The following SLC25A21 variants were observed in gnomAD, a reference collection of about 807,000 sequenced individuals.
SLC25A21 encodes mitochondrial 2-oxodicarboxylate carrier.
Under a neutral mutation model 43.8 loss-of-function variants are expected in SLC25A21, and 47 were observed. The ratio of observed to expected loss-of-function variants is 1.07; its 90% CI spans 0.85 to 1.37. The LOEUF (loss-of-function observed/expected upper bound fraction) is 1.37. SLC25A21 is among the 40% of genes most tolerant of loss of function. The pLI is 0.00. For synonymous variants in SLC25A21, 131 were observed against 121.3 expected, an observed-to-expected ratio of 1.08 and a Z score of -0.52; for missense variants, 352 against 350.2, an observed-to-expected ratio of 1.00 and a Z score of -0.04.
At chr14:37,015,534 T>G (rs1449393634) in intron 1 of SLC25A21, among the ~76,000 whole-genome samples, 1 of 151,962 alleles carries the variant, frequency 6.6e-6, no homozygotes, top group Non-Finnish European at 1.5e-5. Context: ...CAGCATGATT[T>G]ATAGTCATTT....
intron 1 of SLC25A21, among the ~76,000 whole-genome samples, chr14:37,151,957 C>A (rs1162970296): frequency 6.6e-6 from 1 of 152,030 alleles, no homozygotes; most frequent in African/African-American, 2.4e-5. Flanking sequence ...GACGCTTGAA[C>A]CCAGGAGAAG....
rs181975942 is a variant in SLC25A21, at chr14:36,699,098, G to A, written c.603+12220C>T. 3.0e-4 allele frequency among the ~76,000 whole-genome samples: 45 copies of A among 151,740 alleles called. No individual in the cohort carries two copies. In the East Asian group the frequency reaches 7.4e-3, roughly 25 times the overall value. ...CTTTGATGTTGGTGACCTACAGATG[G>A]GGTTTTGGTGTAGATGACCTTTTTT... On this transcript the variant is annotated intron_variant, in intron 7 of 9. Transcript: ENST00000331299.
intron 3 of SLC25A21, among the ~76,000 whole-genome samples, chr14:36,745,149 C>T (rs1003137623): frequency 4.6e-5 from 7 of 152,084 alleles, no homozygotes; most frequent in Non-Finnish European, 8.8e-5. Flanking sequence ...CAGCTTCATC[C>T]ATGTCCCTGA....
chr14:37,170,447 A>G (rs1319043571), intron 1 of SLC25A21, among the ~76,000 whole-genome samples: 1 of 152,166 alleles, frequency 6.6e-6, no homozygotes. Context: ...TAGGATGTTA[A>G]TCAATTGGCC....
chr14:37,035,040 A>G (rs745369420), intron 1 of SLC25A21, among the ~76,000 whole-genome samples: 2 of 152,216 alleles, frequency 1.3e-5, no homozygotes, highest in Non-Finnish European at 2.9e-5. Context: ...GATGCTCTGA[A>G]TCTTTGCTAG....
At chr14:36,880,300 A>C (rs1157037775) in intron 1 of SLC25A21, among the ~76,000 whole-genome samples, 1 of 152,212 alleles carries the variant, frequency 6.6e-6, no homozygotes, top group Non-Finnish European at 1.5e-5. Flanking sequence ...CACACACAGC[A>C]CAGCAACAAG....
intron 3 of SLC25A21, among the ~76,000 whole-genome samples, chr14:36,795,941 T>C (rs1887654751): frequency 6.6e-6 from 1 of 152,172 alleles, no homozygotes; most frequent in Non-Finnish European, 1.5e-5. Flanking sequence ...ACAGCATATA[T>C]GTAACCACCT....
intron 1 of SLC25A21, among the ~76,000 whole-genome samples, chr14:36,918,667 T>A (rs2138621104): frequency 6.6e-6 from 1 of 152,138 alleles, no homozygotes; most frequent in South Asian, 2.1e-4. Flanking sequence ...CACCTTCAAT[T>A]TAATACAAAC....
intron 6 of SLC25A21, among the ~76,000 whole-genome samples, chr14:36,713,874 C>T (rs1883999369): frequency 6.6e-6 from 1 of 152,056 alleles, no homozygotes; most frequent in Non-Finnish European, 1.5e-5. Context: ...CCCAGTTACT[C>T]AGGAGGCTGA....
chr14:36,994,643 CA>C, intron 1 of SLC25A21, among the ~76,000 whole-genome samples: 1 of 152,058 alleles, frequency 6.6e-6, no homozygotes, highest in Non-Finnish European at 1.5e-5. Flanking sequence ...TGACTAAGAA[CA>C]AACACAGAGG....
At chr14:36,888,945 T>G (rs1377888959) in intron 1 of SLC25A21, among the ~76,000 whole-genome samples, 1 of 152,252 alleles carries the variant, frequency 6.6e-6, no homozygotes, top group Non-Finnish European at 1.5e-5. Flanking sequence ...TTCTTTAATA[T>G]GTAGCCAAAA....
At chr14:36,856,825 A>G (rs1057133734) in intron 2 of SLC25A21, among the ~76,000 whole-genome samples, 1 of 152,236 alleles carries the variant, frequency 6.6e-6, no homozygotes, top group African/African-American at 2.4e-5. Flanking sequence ...CATCCCACAT[A>G]GAAAACATGC....
chr14:37,094,395 G>A (rs1310609718), intron 1 of SLC25A21, among the ~76,000 whole-genome samples: 2 of 152,036 alleles, frequency 1.3e-5, no homozygotes, highest in Admixed American at 6.6e-5. Flanking sequence ...CTATTAATAT[G>A]GAAAAAATTA....
intron 4 of SLC25A21, among the ~76,000 whole-genome samples, chr14:36,730,091 TC>T (rs1884759879): frequency 6.6e-6 from 1 of 151,918 alleles, no homozygotes; most frequent in African/African-American, 2.4e-5. Context: ...AGGGAAGGAC[TC>T]AATGAGGTTA....
intron 3 of SLC25A21, among the ~76,000 whole-genome samples, chr14:36,811,136 G>A (rs1888248034): frequency 6.6e-6 from 1 of 152,044 alleles, no homozygotes; most frequent in South Asian, 2.1e-4. Flanking sequence ...GTGTGAAGAA[G>A]GATCATGCCA....
chr14:37,139,726 G>A (rs1205050883), intron 1 of SLC25A21, among the ~76,000 whole-genome samples: 1 of 152,108 alleles, frequency 6.6e-6, no homozygotes, highest in African/African-American at 2.4e-5. Context: ...AATTACAAAA[G>A]ACAGTGAAGG....
intron 1 of SLC25A21, among the ~76,000 whole-genome samples, chr14:37,074,450 A>G (rs1290302166): frequency 2.0e-5 from 3 of 152,212 alleles, no homozygotes; most frequent in Non-Finnish European, 1.5e-5. Flanking sequence ...CTGTTCCCAG[A>G]AGGCTGAATT....
At position 36,929,289 on chromosome 14, in the gene SLC25A21, C is replaced by T. The variant is rs543000711; in HGVS notation, c.71-54285G>A. Among the ~76,000 whole-genome samples the T allele has an allele frequency of 9.3e-4, 141 of 152,292 alleles. 1 individual carries two copies. Among genetic ancestry groups the T allele is most frequent in the African/African-American group, 3.3e-3 (137 of 41,578 alleles). ...AATGAATACTGGAGGGTCCCACTCA[C>T]AGTCCATGGGATTTTGTTTCTAACA... On this transcript the variant is annotated intron_variant, in intron 1 of 9. Coordinates refer to ENST00000331299, the MANE Select transcript of SLC25A21 (RefSeq NM_030631.4).
At chr14:37,058,544 T>C (rs1031877678) in intron 1 of SLC25A21, among the ~76,000 whole-genome samples, 5 of 152,232 alleles carry the variant, frequency 3.3e-5, no homozygotes, top group African/African-American at 7.2e-5. Flanking sequence ...AGCCATAAGA[T>C]GAAGGGATTG....
Sources: gnomAD v4.1 joint callset for allele counts (sites outside exome capture counted in the v4.1 genomes callset) on GRCh38, gnomAD v4.1.1 for gene constraint, MANE v1.5 for transcripts, NCBI Gene and HGNC (gene_info 2026-07-23, HGNC 2026-07-21) for gene names.